Variants in PLXNA4 observed in about 807,000 individuals in gnomAD.
PLXNA4 encodes plexin-A4.
PLXNA4 carries 44 observed loss-of-function variants against 191.8 expected under a neutral mutation model. The observed-to-expected ratio is 0.23, with a 90% confidence interval of 0.18 to 0.29. The LOEUF is 0.29. Among genes scored for constraint, PLXNA4 ranks in the 10% least tolerant of loss-of-function variants. The pLI is 1.00. For synonymous variants in PLXNA4, 1,082 were observed against 1,009.5 expected (o/e 1.07, Z -1.36); for missense variants, 1,800 against 2,488.8 (o/e 0.72, Z 5.89).
intron 4 of PLXNA4, among the ~76,000 whole-genome samples, chr7:132,270,632 A>G (rs1800031295): frequency 1.3e-5 from 2 of 152,236 alleles, no homozygotes; most frequent in African/African-American, 4.8e-5. Flanking sequence ...TGTGTTGTAT[A>G]TATGTAATAC....
At chr7:132,167,555 G>A (rs1361325227) in intron 22 of PLXNA4, among the ~76,000 whole-genome samples, 4 of 151,936 alleles carry the variant, frequency 2.6e-5, no homozygotes, top group Non-Finnish European at 5.9e-5. Context: ...TTTTTTTAGC[G>A]ACAGGGTCTT....
chr7:132,191,471 G>T (rs540276894), intron 14 of PLXNA4, among the ~76,000 whole-genome samples: 2 of 152,254 alleles, frequency 1.3e-5, no homozygotes, highest in South Asian at 4.1e-4. Context: ...GGCCTTGATT[G>T]AGCCGCTGGA....
chr7:132,276,539 T>G (rs191858342), intron 4 of PLXNA4, among the ~76,000 whole-genome samples: 1 of 152,166 alleles, frequency 6.6e-6, no homozygotes, highest in East Asian at 1.9e-4. Context: ...GAGTCGTCCC[T>G]AAGCAGCTTA....
At chr7:132,301,519 C>T (rs1478136986) in intron 3 of PLXNA4, among the ~76,000 whole-genome samples, 1 of 152,198 alleles carries the variant, frequency 6.6e-6, no homozygotes, top group Non-Finnish European at 1.5e-5. Context: ...TAAGGTCACA[C>T]ATCTGGCGGA....
chr7:132,270,159 A>T (rs1349240511), intron 4 of PLXNA4, among the ~76,000 whole-genome samples: 1 of 152,218 alleles, frequency 6.6e-6, no homozygotes, highest in Non-Finnish European at 1.5e-5. Flanking sequence ...TTTTGCCATA[A>T]AATAAATGCT....
intron 3 of PLXNA4, among the ~76,000 whole-genome samples, chr7:132,323,870 A>C (rs916244488): frequency 6.6e-6 from 1 of 152,082 alleles, no homozygotes; most frequent in African/African-American, 2.4e-5. Context: ...CCTCGTCTGG[A>C]AGTGAGGGCC....
chr7:132,357,889 C>T lies in PLXNA4; in HGVS notation c.1372-59667G>A, dbSNP rs147542958. Among the ~76,000 whole-genome samples, 487 of 152,290 alleles carry T rather than the reference C, an allele frequency of 3.2e-3. 3 individuals are homozygous for T. Among genetic ancestry groups the T allele is most frequent in the South Asian group, 8.3e-3 (40 of 4,824 alleles). On this transcript the variant is annotated intron_variant, in intron 3 of 31. Transcript: ENST00000321063. ...TAGTAAATAAATACCAGCTCTGGGCCGAGCCCAAGTTAAAGTGAAGGATTT... is the reference window on the plus strand; with the variant it reads ...TAGTAAATAAATACCAGCTCTGGGCTGAGCCCAAGTTAAAGTGAAGGATTT...
chr7:132,396,799 C>A (rs1793782902), intron 3 of PLXNA4, among the ~76,000 whole-genome samples: 1 of 152,258 alleles, frequency 6.6e-6, no homozygotes, highest in African/African-American at 2.4e-5. Flanking sequence ...GCCAGCAGGG[C>A]CAGACTTTGA....
In PLXNA4 at chr7:132,229,778, T is replaced by C. The variant is rs917055063; in HGVS notation, c.1605-1309A>G. Among the ~76,000 whole-genome samples, 8 of 151,890 alleles carry C rather than the reference T, an allele frequency of 5.3e-5. No individual in the cohort carries two copies. In the Middle Eastern group the frequency reaches 0.01, roughly 194 times the overall value. On this transcript the variant is annotated intron_variant, in intron 5 of 31. Transcript: ENST00000321063. Reference sequence around the variant, plus strand: ...GGGAGCCTTGGAGAGGGAACGACTGTCTCAGGAAGCAGACAGGTGTGGTGT... The same window carrying C: ...GGGAGCCTTGGAGAGGGAACGACTGCCTCAGGAAGCAGACAGGTGTGGTGT...
intron 3 of PLXNA4, among the ~76,000 whole-genome samples, chr7:132,321,181 C>T (rs1016572140): frequency 6.6e-6 from 1 of 152,148 alleles, no homozygotes; most frequent in Non-Finnish European, 1.5e-5. Context: ...CCTCACTTCC[C>T]TCTGACTCTT....
At chr7:132,233,800 C>G (rs773116043) in intron 5 of PLXNA4, among the ~76,000 whole-genome samples, 3 of 152,234 alleles carry the variant, frequency 2.0e-5, no homozygotes, top group Non-Finnish European at 4.4e-5. Flanking sequence ...ATGTTCTGCC[C>G]TGGGTCCCTG....
At chr7:132,306,578 C>T (rs940004231) in intron 3 of PLXNA4, among the ~76,000 whole-genome samples, 1 of 152,162 alleles carries the variant, frequency 6.6e-6, no homozygotes, top group African/African-American at 2.4e-5. Context: ...TGATGTAGCC[C>T]TCATCACTGT....
chr7:132,536,885 C>T (rs192703939), intron 1 of PLXNA4, among the ~76,000 whole-genome samples: 1 of 152,338 alleles, frequency 6.6e-6, no homozygotes, highest in East Asian at 1.9e-4. Flanking sequence ...TGAAGAAAAG[C>T]AGATTATTTT....
intron 4 of PLXNA4, among the ~76,000 whole-genome samples, chr7:132,249,028 T>C (rs940650036): frequency 1.3e-5 from 2 of 152,220 alleles, no homozygotes; most frequent in Non-Finnish European, 1.5e-5. Context: ...CCACTGTCCC[T>C]ACCTGCCTCT....
At chr7:132,296,934 T>G (rs1022146598) in intron 4 of PLXNA4, among the ~76,000 whole-genome samples, 1 of 151,990 alleles carries the variant, frequency 6.6e-6, no homozygotes, top group Admixed American at 6.6e-5. Context: ...CAGGGCACAG[T>G]GGGTCCCAGT....
intron 4 of PLXNA4, among the ~76,000 whole-genome samples, chr7:132,255,950 T>C (rs77658180): frequency 0.022 from 3,403 of 152,366 alleles, 123 homozygotes; most frequent in African/African-American, 0.078. Flanking sequence ...GTCAAGGTTA[T>C]CTGTGTTCTT....
At chr7:132,262,402 G>C (rs904324625) in intron 4 of PLXNA4, among the ~76,000 whole-genome samples, 7 of 152,140 alleles carry the variant, frequency 4.6e-5, no homozygotes, top group Non-Finnish European at 1.0e-4. Flanking sequence ...AACACATTGT[G>C]CTGGTTGTAA....
chr7:132,631,725 C>G (rs927253202), intron 2 of PLXNA4, among the ~76,000 whole-genome samples: 2 of 152,178 alleles, frequency 1.3e-5, no homozygotes, highest in Non-Finnish European at 2.9e-5. Context: ...CTGCTCCTCA[C>G]CCACCTCTCC....
intron 4 of PLXNA4, among the ~76,000 whole-genome samples, chr7:132,277,555 G>A (rs1359825676): frequency 6.6e-6 from 1 of 152,178 alleles, no homozygotes; most frequent in Non-Finnish European, 1.5e-5. Flanking sequence ...TGAACAGATG[G>A]CAGGAGGAAA....
Sources: gnomAD v4.1 joint callset for allele counts (sites outside exome capture counted in the v4.1 genomes callset) on GRCh38, gnomAD v4.1.1 for gene constraint, MANE v1.5 for transcripts, NCBI Gene and HGNC (gene_info 2026-07-23, HGNC 2026-07-21) for gene names.